Variants in SLC39A10 observed in about 807,000 individuals in gnomAD.
SLC39A10 encodes zinc transporter ZIP10.
SLC39A10 carries 13 observed loss-of-function variants against 65.1 expected under a neutral mutation model. That is an observed-to-expected ratio of 0.20 (90% CI 0.13 to 0.32). SLC39A10 has a LOEUF of 0.32. SLC39A10 is among the 10% of genes least tolerant of loss of function. The pLI is 1.00. For missense variants in SLC39A10, 831 were observed against 1,018.4 expected (o/e 0.82, Z 2.50); for synonymous variants, 321 against 342.2 (o/e 0.94, Z 0.68).
At chr2:195,635,127 T>C (rs1269260725) in intron 2 of SLC39A10, among the ~76,000 whole-genome samples, 1 of 152,230 alleles carries the variant, frequency 6.6e-6, no homozygotes, top group African/African-American at 2.4e-5. Flanking sequence ...TTTTTCATTT[T>C]TCCACTTTCC....
Position 195,619,120 on chromosome 2 carries a change from G to GAGAA in SLC39A10, c.-12+12890_-12+12891insAAGA, listed in dbSNP as rs1553490936. ...AAAAAAAAAAAAAAAAAAAAAGAGA[G>GAGAA]AGAGAGAAAGGAAAGAATAATGCAT... is the stretch of plus-strand genomic sequence containing the variant. On this transcript the variant is annotated intron_variant, in intron 2 of 2. Coordinates refer to the SLC39A10 transcript ENST00000458054. Among the ~76,000 whole-genome samples the GAGAA allele has an allele frequency of 7.6e-4, 112 of 147,030 alleles. 1 individual carries two copies. The highest frequency in any genetic ancestry group is 2.8e-3 in the African/African-American group (108 of 39,124).
Position 195,680,225 on chromosome 2 carries a change from A to G in SLC39A10, c.183A>G (p.Lys61=). ...AGCAAGCTGCTGAAAATGAAAAAAA[A>G]TACTATATTGAAAAACTTTTTGAGC... ...FSKQAAENEK[K]YYIEKLFERY... is the part of the protein sequence containing the mutation. The change falls in exon 2 of 10, where the codon AAA becomes AAG. Residue 61 remains lysine, a synonymous_variant. Transcript: ENST00000359634. 2.5e-6 allele frequency: 4 copies of G among 1,613,846 alleles called. No individual in the cohort carries two copies. The highest frequency in any genetic ancestry group is 1.1e-5 in the South Asian group (1 of 90,924).
At chr2:195,614,603 C>T (rs1374150683) in intron 2 of SLC39A10, among the ~76,000 whole-genome samples, 2 of 152,034 alleles carry the variant, frequency 1.3e-5, no homozygotes, top group Admixed American at 6.5e-5. Context: ...ATGTTAATAT[C>T]AAAAAACCCC....
At chr2:195,673,001 C>T (rs914235462) in intron 1 of SLC39A10, among the ~76,000 whole-genome samples, 106 of 152,254 alleles carry the variant, frequency 7.0e-4, no homozygotes, top group African/African-American at 2.4e-3. Flanking sequence ...AAAATTGATA[C>T]ACCGTTTAAA....
chr2:195,656,178 T>C (rs113535173), upstream of SLC39A10, among the ~76,000 whole-genome samples: 1 of 152,080 alleles, frequency 6.6e-6, no homozygotes, highest in African/African-American at 2.4e-5. Context: ...TAGATTCTGG[T>C]TGGATATAGA....
intron 2 of SLC39A10, among the ~76,000 whole-genome samples, chr2:195,629,692 C>A (rs1279771652): frequency 6.6e-6 from 1 of 152,154 alleles, no homozygotes; most frequent in Non-Finnish European, 1.5e-5. Flanking sequence ...TTACATTATA[C>A]AAATGATTCA....
intron 9 of SLC39A10, among the ~76,000 whole-genome samples, chr2:195,729,589 C>G (rs1692367442): frequency 6.6e-6 from 1 of 152,162 alleles, no homozygotes; most frequent in Non-Finnish European, 1.5e-5. Context: ...GCAAACTGTT[C>G]CCTAGAACTG....
At chr2:195,704,258 G>T (rs1691309641) in intron 3 of SLC39A10, among the ~76,000 whole-genome samples, 1 of 152,088 alleles carries the variant, frequency 6.6e-6, no homozygotes, top group Admixed American at 6.5e-5. Flanking sequence ...TTAGGCTGTT[G>T]CTTTTAGAAA....
chr2:195,657,776 G>T (rs1285085593), intron 1 of SLC39A10, among the ~76,000 whole-genome samples: 2 of 152,152 alleles, frequency 1.3e-5, no homozygotes, highest in Admixed American at 6.5e-5. Context: ...CAGCGCCCCG[G>T]TTTTTTCTTC....
chr2:195,645,066 C>T (rs933493093), intron 2 of SLC39A10, among the ~76,000 whole-genome samples: 1 of 151,922 alleles, frequency 6.6e-6, no homozygotes, highest in African/African-American at 2.4e-5. Context: ...TGTGCCACCA[C>T]GCCCGGCTAA....
chr2:195,646,611 ACCCCCCACCCACCT>A (rs1364988337), intron 2 of SLC39A10, among the ~76,000 whole-genome samples: 1 of 146,484 alleles, frequency 6.8e-6, no homozygotes, highest in Non-Finnish European at 1.5e-5. Context: ...AGGGGTCCTC[ACCCCCCACCCACCT>A]CCCCCCACCA....
intron 3 of SLC39A10, among the ~76,000 whole-genome samples, chr2:195,692,805 T>G (rs1200732332): frequency 6.6e-6 from 1 of 152,176 alleles, no homozygotes; most frequent in Non-Finnish European, 1.5e-5. Flanking sequence ...CTTTACCAAT[T>G]TGGGTGCCCT....
chr2:195,716,536 C>A, intron 6 of SLC39A10, 101 bp from the exon 7 acceptor site: 1 of 886,338 alleles, frequency 1.1e-6, no homozygotes, highest in Non-Finnish European at 1.6e-6. Flanking sequence ...TTCTAAAAGA[C>A]ATTCACTTAA....
At chr2:195,638,851 A>G (rs1174711321) in intron 2 of SLC39A10, among the ~76,000 whole-genome samples, 1 of 151,948 alleles carries the variant, frequency 6.6e-6, no homozygotes, top group East Asian at 1.9e-4. Context: ...CCATCCTAGA[A>G]TCATATCTAA....
chr2:195,659,031 T>C (rs558800960), intron 1 of SLC39A10, among the ~76,000 whole-genome samples: 1 of 152,370 alleles, frequency 6.6e-6, no homozygotes, highest in African/African-American at 2.4e-5. Flanking sequence ...TTAAAGAATT[T>C]GGCTTAAATT....
chr2:195,708,829 C>T lies in SLC39A10; in HGVS notation c.1560C>T (p.His520=). The T allele has an allele frequency of 6.2e-7, 1 of 1,602,276 alleles. No homozygotes were observed. Among genetic ancestry groups the T allele is most frequent in the Non-Finnish European group, 8.5e-7 (1 of 1,176,084 alleles). Residue 520 remains histidine, a synonymous_variant, in exon 5 of 10, where the codon CAC becomes CAT. Transcript: ENST00000359634. The part of the protein sequence containing the change: ...IIEHCIRMFK[H]YKQQRGKQKW... ...AACACTGCATTAGAATGTTTAAGCACTACAAACAACAAAGAGTAAGTATTT... is the reference window on the plus strand; with the variant it reads ...AACACTGCATTAGAATGTTTAAGCATTACAAACAACAAAGAGTAAGTATTT...
chr2:195,645,393 A>C (rs905710615), intron 2 of SLC39A10, among the ~76,000 whole-genome samples: 1 of 152,166 alleles, frequency 6.6e-6, no homozygotes, highest in Non-Finnish European at 1.5e-5. Flanking sequence ...AATTCTGGAA[A>C]CTTATTCTCA....
Position 195,728,148 on chromosome 2 carries a change from C to A in SLC39A10, c.2147-11C>A. ...TGGTTTTAAAACATTCCCATTGTTT[C>A]TTAATTGCAGGAGATTTTGCAGTTC... On this transcript the variant is annotated splice_polypyrimidine_tract_variant and intron_variant, in intron 8 of 9. Coordinates refer to ENST00000359634, the MANE Select transcript of SLC39A10 (RefSeq NM_020342.3). This position sits in a 1 kb window ranked among gnomAD's most constrained non-coding sequence, Gnocchi z 4.4. The A allele has an allele frequency of 6.3e-7, 1 of 1,591,750 alleles. No individual in the cohort carries two copies. Among genetic ancestry groups the A allele is most frequent in the South Asian group, 1.1e-5 (1 of 87,732 alleles).
intron 2 of SLC39A10, among the ~76,000 whole-genome samples, chr2:195,618,241 C>T (rs185518944): frequency 2.0e-5 from 3 of 151,438 alleles, no homozygotes; most frequent in South Asian, 2.1e-4. Flanking sequence ...ATCCCAGCTA[C>T]GCGGGAGGCT....
Sources: allele counts gnomAD v4.1 joint callset (sites outside exome capture counted in the v4.1 genomes callset), GRCh38; gene constraint gnomAD v4.1.1; non-coding constraint Gnocchi (gnomAD v3.1); transcripts MANE v1.5; gene names NCBI Gene and HGNC (gene_info 2026-07-23, HGNC 2026-07-21).